TTLL11: variants seen among roughly 807,000 people sequenced by gnomAD.
TTLL11 encodes the protein tubulin polyglutamylase TTLL11.
A neutral mutation model predicts 51.7 loss-of-function variants in TTLL11; 42 were observed. The ratio of observed to expected loss-of-function variants is 0.81; its 90% CI spans 0.64 to 1.05. The LOEUF is 1.05. Among genes scored for constraint, TTLL11 ranks in the 50% least tolerant of loss-of-function variants. The pLI, the probability that TTLL11 is intolerant of heterozygous loss-of-function variation, is 0.00. For synonymous variants in TTLL11, 381 were observed against 383.5 expected (o/e 0.99, Z 0.08); for missense variants, 799 against 940.4 (o/e 0.85, Z 1.97).
At chr9:121,934,852 C>T (rs976325966) in intron 6 of TTLL11, among the ~76,000 whole-genome samples, 1 of 152,176 alleles carries the variant, frequency 6.6e-6, no homozygotes, top group Non-Finnish European at 1.5e-5. Flanking sequence ...TCATCAAAGA[C>T]CTTCTTAAGT....
chr9:121,968,356 C>A (rs953455247), intron 6 of TTLL11, among the ~76,000 whole-genome samples: 1 of 152,162 alleles, frequency 6.6e-6, no homozygotes, highest in African/African-American at 2.4e-5. Context: ...TAAATATCAG[C>A]CAGTGACATC....
chr9:121,883,180 C>T (rs545467286), intron 6 of TTLL11, among the ~76,000 whole-genome samples: 53 of 152,192 alleles, frequency 3.5e-4, no homozygotes, highest in Middle Eastern at 3.4e-3. Flanking sequence ...ATGAGAATAA[C>T]GGTCATTCTG....
At chr9:121,973,387 C>G (rs747704146) in intron 6 of TTLL11, among the ~76,000 whole-genome samples, 1 of 152,172 alleles carries the variant, frequency 6.6e-6, no homozygotes, top group African/African-American at 2.4e-5. Context: ...CCCTCTTCTC[C>G]TGCATTTTAT....
At position 121,989,108 on chromosome 9, in the gene TTLL11, C is replaced by A. The variant is rs778553552; in HGVS notation, c.1269+87G>T. 5.8e-6 allele frequency: 9 copies of A among 1,558,348 alleles called. No homozygotes were observed. The highest frequency in any genetic ancestry group is 7.8e-6 in the Non-Finnish European group (9 of 1,150,368). On this transcript the variant is annotated intron_variant, in intron 4 of 8. Transcript: ENST00000321582. The surrounding 1 kb of genome is among the most constrained non-coding windows in gnomAD (Gnocchi z 4.2). ...CTGTCCCCTCCTCTGGCCATCCCACCCCGATCACTCATCCTACACGAAGCC... is the reference window on the plus strand; with the variant it reads ...CTGTCCCCTCCTCTGGCCATCCCACACCGATCACTCATCCTACACGAAGCC...
intron 6 of TTLL11, among the ~76,000 whole-genome samples, chr9:121,894,375 C>T (rs1015597820): frequency 6.6e-6 from 1 of 152,146 alleles, no homozygotes; most frequent in African/African-American, 2.4e-5. Context: ...GCCATTTGAT[C>T]CAGCAATCCC....
At chr9:121,854,919 A>T (rs1326184084) in intron 8 of TTLL11, among the ~76,000 whole-genome samples, 1 of 152,224 alleles carries the variant, frequency 6.6e-6, no homozygotes, top group African/African-American at 2.4e-5. Context: ...GAAAATTAAA[A>T]TTCTTATCTT....
At chr9:122,000,169 G>A (rs1182855316) in intron 3 of TTLL11, among the ~76,000 whole-genome samples, 1 of 152,072 alleles carries the variant, frequency 6.6e-6, no homozygotes, top group Non-Finnish European at 1.5e-5. Context: ...ACAATATACA[G>A]GTCATAAAGA....
chr9:121,900,088 GT>G, intron 6 of TTLL11, among the ~76,000 whole-genome samples: 1 of 152,304 alleles, frequency 6.6e-6, no homozygotes, highest in South Asian at 2.1e-4. Flanking sequence ...TAATGCCTGT[GT>G]TTATTACACT....
In TTLL11 at chr9:121,853,266, T is replaced by C. The variant is rs1246981872; in HGVS notation, c.1840+7071A>G. Among the ~76,000 whole-genome samples, 1 of 152,154 alleles carries C rather than the reference T, an allele frequency of 6.6e-6. No homozygotes were observed. Among genetic ancestry groups the C allele is most frequent in the Non-Finnish European group, 1.5e-5 (1 of 68,020 alleles). ...GGCCTCATGCAGGCGGGAACAGCTC[T>C]GTTTCCTGGATGTTGGCCTCATGTC... On this transcript the variant is annotated intron_variant, in intron 8 of 8. Transcript: ENST00000321582. The surrounding 1 kb of genome is among the most constrained non-coding windows in gnomAD (Gnocchi z 5.6).
chr9:121,932,316 C>T (rs73662532), intron 6 of TTLL11, among the ~76,000 whole-genome samples: 13,338 of 152,224 alleles, frequency 0.088, 945 homozygotes, highest in African/African-American at 0.19. Context: ...TTAAATATTT[C>T]GTTTCTAAGA....
At chr9:121,879,614 G>T (rs1022911155) in intron 6 of TTLL11, among the ~76,000 whole-genome samples, 2 of 152,192 alleles carry the variant, frequency 1.3e-5, no homozygotes, top group African/African-American at 4.8e-5. Flanking sequence ...TCACACAGGG[G>T]TGGCAAAGGC....
At chr9:122,054,829 CT>C (rs1845248975) in intron 1 of TTLL11, among the ~76,000 whole-genome samples, 1 of 152,158 alleles carries the variant, frequency 6.6e-6, no homozygotes, top group African/African-American at 2.4e-5. Context: ...GGTTTATTAA[CT>C]GAAATGGAAA....
intron 4 of TTLL11, among the ~76,000 whole-genome samples, chr9:121,975,934 C>T (rs935613219): frequency 1.4e-4 from 21 of 152,054 alleles, no homozygotes; most frequent in Admixed American, 8.5e-4. Context: ...CTCATGACAG[C>T]GTATTTGAAG....
chr9:121,864,442 T>C (rs530026052), intron 7 of TTLL11, among the ~76,000 whole-genome samples: 69 of 152,318 alleles, frequency 4.5e-4, no homozygotes, highest in African/African-American at 1.6e-3. Context: ...TAGGAAAGGA[T>C]AGGTTAGAAA....
At chr9:122,028,622 T>C (rs1365617773) in intron 3 of TTLL11, among the ~76,000 whole-genome samples, 1 of 152,148 alleles carries the variant, frequency 6.6e-6, no homozygotes, top group Non-Finnish European at 1.5e-5. Context: ...CTGATAGAAC[T>C]AGTAAGTAGT....
chr9:121,896,134 C>G (rs951108264), intron 6 of TTLL11, among the ~76,000 whole-genome samples: 1 of 152,112 alleles, frequency 6.6e-6, no homozygotes, highest in East Asian at 1.9e-4. Context: ...GCTCCGCCAT[C>G]TACAGGTTCT....
chr9:121,874,723 C>A (rs1165075169), intron 6 of TTLL11, among the ~76,000 whole-genome samples: 1 of 151,800 alleles, frequency 6.6e-6, no homozygotes, highest in Non-Finnish European at 1.5e-5. Flanking sequence ...AGTGATCAGT[C>A]CCCTGAGTGA....
chr9:121,985,508 C>CTT (rs766262272), intron 4 of TTLL11, among the ~76,000 whole-genome samples: 13 of 131,348 alleles, frequency 9.9e-5, no homozygotes, highest in Middle Eastern at 4.1e-3. Context: ...ATACCATTTT[C>CTT]TTTTCTTTTT....
Position 121,852,798 on chromosome 9 carries a change from G to A in TTLL11, c.1840+7539C>T, listed in dbSNP as rs539487646. Among the ~76,000 whole-genome samples, 37 of 152,238 alleles carry A rather than the reference G, an allele frequency of 2.4e-4. 1 individual carries two copies. The South Asian group carries it at 6.0e-3, about 25-fold the overall frequency. The stretch of plus-strand genomic sequence containing the variant: ...TGCTTTTATTAAAAATAATTCTGAC[G>A]CCAACTATTTTGTAAGCGTGTAGGG... On this transcript the variant is annotated intron_variant, in intron 8 of 8. Coordinates refer to ENST00000321582, the MANE Select transcript of TTLL11 (RefSeq NM_001139442.2).
Sources: gnomAD v4.1 joint callset for allele counts (sites outside exome capture counted in the v4.1 genomes callset) on GRCh38, gnomAD v4.1.1 for gene constraint, Gnocchi (gnomAD v3.1) non-coding constraint, MANE v1.5 for transcripts, NCBI Gene and HGNC (gene_info 2026-07-23, HGNC 2026-07-21) for gene names.